The following DNAAF4 variants were observed in gnomAD, a reference collection of about 807,000 sequenced individuals.
DNAAF4 encodes the protein dynein assembly factor 4, axonemal.
A neutral mutation model predicts 51.8 loss-of-function variants in DNAAF4; 43 were observed. That is an observed-to-expected ratio of 0.83 (90% CI 0.65 to 1.07). The LOEUF is 1.07. DNAAF4 is among the 50% of genes least tolerant of loss of function. The pLI is 0.00. For synonymous variants in DNAAF4, 194 were observed against 165.6 expected, an observed-to-expected ratio of 1.17 and a Z score of -1.32; for missense variants, 581 against 493.0, an observed-to-expected ratio of 1.18 and a Z score of -1.69.
intron 8 of DNAAF4, among the ~76,000 whole-genome samples, chr15:55,434,036 T>TTATA (rs1176352687): frequency 2.0e-5 from 2 of 100,274 alleles, no homozygotes; most frequent in Non-Finnish European, 3.8e-5. Context: ...ATAATATATA[T>TTATA]TATATATATA....
chr15:55,502,653 G>T (rs558262724), intron 1 of DNAAF4, among the ~76,000 whole-genome samples: 2 of 152,164 alleles, frequency 1.3e-5, no homozygotes, highest in East Asian at 1.9e-4. Context: ...GTAAAAAAAA[G>T]TAGCTGTTGC....
At chr15:55,502,611 G>A (rs1031452588) in intron 1 of DNAAF4, among the ~76,000 whole-genome samples, 3 of 152,146 alleles carry the variant, frequency 2.0e-5, no homozygotes, top group Non-Finnish European at 2.9e-5. Flanking sequence ...GGTAGAAGGA[G>A]AAGATATTTT....
At chr15:55,464,730 G>T (rs2058143439) in intron 5 of DNAAF4, among the ~76,000 whole-genome samples, 1 of 152,164 alleles carries the variant, frequency 6.6e-6, no homozygotes, top group Non-Finnish European at 1.5e-5. Context: ...CACTTTTCGA[G>T]GCTGAGGCAG....
intron 4 of DNAAF4, among the ~76,000 whole-genome samples, chr15:55,482,051 T>G (rs2058418442): frequency 6.6e-6 from 1 of 152,204 alleles, no homozygotes. Flanking sequence ...GCTGCTTGCT[T>G]GAGCCCGCTT....
At chr15:55,485,982 G>A (rs777625891) in intron 4 of DNAAF4, among the ~76,000 whole-genome samples, 23 of 120,928 alleles carry the variant, frequency 1.9e-4, no homozygotes, top group Non-Finnish European at 2.0e-4. Flanking sequence ...ACAACAGAGC[G>A]AGACTCCATC....
chr15:55,506,558 G>A (rs2058728332), intron 1 of DNAAF4, among the ~76,000 whole-genome samples: 1 of 152,076 alleles, frequency 6.6e-6, no homozygotes, highest in South Asian at 2.1e-4. Context: ...ATGTCTTCTG[G>A]GTTTCAGGGG....
chr15:55,443,894 G>T (rs1257249865), intron 6 of DNAAF4, among the ~76,000 whole-genome samples: 1 of 152,126 alleles, frequency 6.6e-6, no homozygotes, highest in African/African-American at 2.4e-5. Flanking sequence ...CGATGGGGTT[G>T]TTTTTTTCTT....
At chr15:55,505,957 G>T (rs1346522032) in intron 1 of DNAAF4, among the ~76,000 whole-genome samples, 3 of 152,006 alleles carry the variant, frequency 2.0e-5, no homozygotes, top group African/African-American at 7.3e-5. Context: ...CCAGAAAGGG[G>T]GTGTCTGTTA....
At chr15:55,500,784 G>T (rs1377384689) in intron 1 of DNAAF4, among the ~76,000 whole-genome samples, 2 of 151,918 alleles carry the variant, frequency 1.3e-5, no homozygotes, top group East Asian at 3.9e-4. Flanking sequence ...CCTGAGGTTG[G>T]GAGTTCAAGA....
intron 4 of DNAAF4, among the ~76,000 whole-genome samples, chr15:55,477,511 C>A (rs1367111771): frequency 6.6e-6 from 1 of 151,834 alleles, no homozygotes; most frequent in Non-Finnish European, 1.5e-5. Flanking sequence ...TATATTAGAA[C>A]AAGTTGCTAT....
chr15:55,430,940 GT>G (rs1566998542), intron 9 of DNAAF4, among the ~76,000 whole-genome samples, 161 bp from the exon 10 acceptor site: 1 of 151,834 alleles, frequency 6.6e-6, no homozygotes, highest in Non-Finnish European at 1.5e-5. Flanking sequence ...TTGAGACAGA[GT>G]CTCCTTCTGT....
chr15:55,488,982 G>C, intron 4 of DNAAF4, among the ~76,000 whole-genome samples: 1 of 151,872 alleles, frequency 6.6e-6, no homozygotes, highest in Admixed American at 6.6e-5. Flanking sequence ...CCACCTATTC[G>C]GGAGGCTGAG....
chr15:55,430,842 G>A (rs564001144), intron 9 of DNAAF4, 63 bp from the exon 10 acceptor site: 1 of 1,282,078 alleles, frequency 7.8e-7, no homozygotes, highest in East Asian at 2.4e-5. Context: ...CTTTTATCTA[G>A]ACAATAGTTG....
rs142035763 is a variant in DNAAF4 at position 55,457,159 on chromosome 15, G to T, written c.638-6792C>A. ...CTCAGTGGCAAGGCTTATAGTCTGG[G>T]GCAAGATCTCAGCCCTGCTCACCAA... On this transcript the variant is annotated intron_variant, in intron 5 of 9. Coordinates refer to ENST00000321149, the MANE Select transcript of DNAAF4 (RefSeq NM_130810.4). 2.7e-3 allele frequency among the ~76,000 whole-genome samples: 409 copies of T among 152,228 alleles called. 3 individuals are homozygous for T. The highest frequency in any genetic ancestry group is 9.4e-3 in the African/African-American group (390 of 41,552).
chr15:55,466,105 AAC>A (rs201428396), intron 5 of DNAAF4, among the ~76,000 whole-genome samples: 22 of 152,286 alleles, frequency 1.4e-4, no homozygotes, highest in African/African-American at 4.8e-4. Flanking sequence ...TAATTTTAAA[AAC>A]ACACACATAC....
chr15:55,489,284 C>G (rs1230922400), intron 4 of DNAAF4, among the ~76,000 whole-genome samples: 1 of 150,790 alleles, frequency 6.6e-6, no homozygotes, highest in African/African-American at 2.5e-5. Context: ...AATCAAAAGG[C>G]CAACAGCTGT....
chr15:55,491,329 A>T, intron 3 of DNAAF4, 73 bp from the exon 4 acceptor site: 3 of 1,451,958 alleles, frequency 2.1e-6, no homozygotes, highest in Non-Finnish European at 2.8e-6. Context: ...CTACTTAAAT[A>T]AACTGACCCA....
chr15:55,445,085 A>G (rs685498), intron 6 of DNAAF4, among the ~76,000 whole-genome samples: 104,918 of 140,698 alleles, frequency 0.75, 39,511 homozygotes, highest in East Asian at 0.93. Flanking sequence ...GGTGTTTCTC[A>G]GAGAGGGGGA....
chr15:55,469,454 T>TTC (rs1173203041), intron 4 of DNAAF4, among the ~76,000 whole-genome samples: 1 of 149,766 alleles, frequency 6.7e-6, no homozygotes, highest in Non-Finnish European at 1.5e-5. Flanking sequence ...ACTTGTGGGT[T>TTC]TCTCCTATGC....
Sources: allele counts gnomAD v4.1 joint callset (sites outside exome capture counted in the v4.1 genomes callset), GRCh38; gene constraint gnomAD v4.1.1; transcripts MANE v1.5; gene names NCBI Gene and HGNC (gene_info 2026-07-23, HGNC 2026-07-21).